Variants in BMERB1 observed in about 807,000 individuals in gnomAD.
BMERB1 encodes bMERB domain containing 1, also known as bMERB domain-containing protein 1.
Under a neutral mutation model 23.6 loss-of-function variants are expected in BMERB1, and 12 were observed. That is an observed-to-expected ratio of 0.51 (90% CI 0.33 to 0.82). The LOEUF is 0.82. Ranked by LOEUF, BMERB1 falls within the 40% of genes least tolerant of loss-of-function variation. The pLI is 0.03. For missense variants in BMERB1, 247 were observed against 255.4 expected (o/e 0.97, Z 0.22); for synonymous variants, 122 against 96.6 (o/e 1.26, Z -1.54).
chr16:15,504,264 C>G (rs1267105296), intron 1 of BMERB1, among the ~76,000 whole-genome samples: 1 of 152,090 alleles, frequency 6.6e-6, no homozygotes, highest in African/African-American at 2.4e-5. Flanking sequence ...TTTCTTTTCT[C>G]TCTTCTTAAT....
intron 2 of BMERB1, among the ~76,000 whole-genome samples, chr16:15,526,382 T>C (rs1292995950): frequency 6.6e-6 from 1 of 152,042 alleles, no homozygotes; most frequent in African/African-American, 2.4e-5. Flanking sequence ...GTAAAAAATA[T>C]AGGCCGGGCG....
intron 1 of BMERB1, among the ~76,000 whole-genome samples, chr16:15,511,529 G>A (rs2150949013): frequency 6.6e-6 from 1 of 152,168 alleles, no homozygotes; most frequent in South Asian, 2.1e-4. Context: ...TTTATGTTCT[G>A]CACTTATCTA....
intron 2 of BMERB1, among the ~76,000 whole-genome samples, chr16:15,530,954 G>A (rs1400918120): frequency 7.2e-6 from 1 of 139,112 alleles, no homozygotes; most frequent in African/African-American, 2.7e-5. Context: ...TCACTGGGCT[G>A]GATTGCAGTG....
intron 1 of BMERB1, among the ~76,000 whole-genome samples, chr16:15,453,763 A>G (rs1384307693): frequency 6.6e-6 from 1 of 152,138 alleles, no homozygotes; most frequent in Non-Finnish European, 1.5e-5. Context: ...ACACCCAGCT[A>G]CACGAGAGGC....
intron 2 of BMERB1, among the ~76,000 whole-genome samples, chr16:15,527,701 G>C (rs1226540742): frequency 6.6e-6 from 1 of 152,080 alleles, no homozygotes; most frequent in African/African-American, 2.4e-5. Context: ...GACAGGCAGG[G>C]GAAGGTACAG....
At chr16:15,475,798 T>C (rs1379411573) in intron 1 of BMERB1, among the ~76,000 whole-genome samples, 1 of 151,960 alleles carries the variant, frequency 6.6e-6, no homozygotes, top group African/African-American at 2.4e-5. Context: ...CACATGGGAG[T>C]TGGAAAATCA....
intron 2 of BMERB1, among the ~76,000 whole-genome samples, chr16:15,534,140 G>A (rs1314274588): frequency 2.0e-5 from 3 of 151,870 alleles, no homozygotes; most frequent in East Asian, 1.9e-4. Context: ...TCACAAAAAG[G>A]GTGTCATTGA....
At chr16:15,576,037 ATT>A (rs58602187) in intron 3 of BMERB1, among the ~76,000 whole-genome samples, 90 of 131,888 alleles carry the variant, frequency 6.8e-4, no homozygotes, top group African/African-American at 1.8e-3. Context: ...AGCATTAGTA[ATT>A]TTTTTTTTTT....
At chr16:15,497,143 G>A (rs931000103) in intron 1 of BMERB1, among the ~76,000 whole-genome samples, 1 of 152,132 alleles carries the variant, frequency 6.6e-6, no homozygotes, top group Non-Finnish European at 1.5e-5. Context: ...TGCACAGAAG[G>A]CCGACACTGA....
intron 2 of BMERB1, among the ~76,000 whole-genome samples, chr16:15,550,859 A>G (rs928887078): frequency 6.6e-6 from 1 of 152,210 alleles, no homozygotes; most frequent in Non-Finnish European, 1.5e-5. Flanking sequence ...AAAGTGGAGA[A>G]TAAGAATACC....
At chr16:15,523,386 A>G (rs1162097376) in intron 2 of BMERB1, among the ~76,000 whole-genome samples, 4 of 152,144 alleles carry the variant, frequency 2.6e-5, no homozygotes, top group Admixed American at 2.6e-4. Context: ...TTTGGGCAGG[A>G]AAACAAAAAT....
intron 5 of BMERB1, among the ~76,000 whole-genome samples, chr16:15,585,402 T>A (rs2031116167): frequency 6.6e-6 from 1 of 152,178 alleles, no homozygotes; most frequent in Non-Finnish European, 1.5e-5. Context: ...AAAACTATTG[T>A]AAAACCAGTG....
intron 1 of BMERB1, among the ~76,000 whole-genome samples, chr16:15,461,085 A>G (rs1308093987): frequency 1.3e-5 from 2 of 150,886 alleles, no homozygotes; most frequent in Non-Finnish European, 2.9e-5. Flanking sequence ...AGATTGCACC[A>G]GTGCACTCCA....
At chr16:15,510,224 T>C (rs1050856489) in intron 1 of BMERB1, among the ~76,000 whole-genome samples, 1 of 152,088 alleles carries the variant, frequency 6.6e-6, no homozygotes, top group Admixed American at 6.6e-5. Context: ...TGAATTGTTA[T>C]GGCACCACGC....
At chr16:15,484,099 G>C (rs1459798984) in intron 1 of BMERB1, among the ~76,000 whole-genome samples, 5 of 152,126 alleles carry the variant, frequency 3.3e-5, no homozygotes, top group Admixed American at 3.3e-4. Context: ...CAGATCTCTT[G>C]GGAATTAAGG....
intron 3 of BMERB1, among the ~76,000 whole-genome samples, chr16:15,580,626 C>T (rs1169744378): frequency 6.6e-6 from 1 of 150,884 alleles, no homozygotes; most frequent in Non-Finnish European, 1.5e-5. Context: ...CAGCTCACTG[C>T]AAGCTCCACC....
At chr16:15,576,181 C>G (rs942474342) in intron 3 of BMERB1, among the ~76,000 whole-genome samples, 1 of 151,776 alleles carries the variant, frequency 6.6e-6, no homozygotes, top group African/African-American at 2.4e-5. Context: ...GTAGCTGGGA[C>G]TACAGGCGCC....
chr16:15,557,163 C>G (rs2030285316), intron 2 of BMERB1, among the ~76,000 whole-genome samples: 1 of 152,104 alleles, frequency 6.6e-6, no homozygotes, highest in African/African-American at 2.4e-5. Context: ...TAAAAATGAC[C>G]CGCTTTCCCC....
chr16:15,553,794 C>CT (rs1217654995), intron 2 of BMERB1, among the ~76,000 whole-genome samples: 1 of 152,106 alleles, frequency 6.6e-6, no homozygotes, highest in Non-Finnish European at 1.5e-5. Flanking sequence ...GAGGAGCAAA[C>CT]GCATCTTCCA....
Sources: allele counts gnomAD v4.1 joint callset (sites outside exome capture counted in the v4.1 genomes callset), GRCh38; gene constraint gnomAD v4.1.1; transcripts MANE v1.5; gene names NCBI Gene and HGNC (gene_info 2026-07-23, HGNC 2026-07-21).